Variants in MPP7 observed in about 807,000 individuals in gnomAD.
MPP7 encodes the protein MAGUK p55 subfamily member 7.
A neutral mutation model predicts 76.5 loss-of-function variants in MPP7; 60 were observed. The observed-to-expected ratio is 0.78, with a 90% confidence interval of 0.64 to 0.97. The LOEUF (loss-of-function observed/expected upper bound fraction) is 0.97. Among genes scored for constraint, MPP7 ranks in the 50% least tolerant of loss-of-function variants. The pLI is 0.00. For missense variants in MPP7, 641 were observed against 694.0 expected (o/e 0.92, Z 0.86); for synonymous variants, 237 against 244.5 (o/e 0.97, Z 0.29).
chr10:28,164,117 A>G (rs2763316), intron 3 of MPP7, among the ~76,000 whole-genome samples: 113,530 of 151,872 alleles, frequency 0.75, 42,584 homozygotes, highest in Middle Eastern at 0.84. Flanking sequence ...AAAGATCGAG[A>G]CCGAAGACAA....
At chr10:28,061,736 A>C (rs902442576) in intron 13 of MPP7, among the ~76,000 whole-genome samples, 9 of 152,192 alleles carry the variant, frequency 5.9e-5, no homozygotes, top group Admixed American at 6.5e-5. Context: ...TTATGCCTAG[A>C]CACATTATAA....
chr10:28,150,098 C>T, intron 3 of MPP7, 39 bp from the exon 4 acceptor site: 1 of 1,406,514 alleles, frequency 7.1e-7, no homozygotes, highest in South Asian at 1.2e-5. Context: ...CACCTGCTAG[C>T]AAACAATCTC....
intron 3 of MPP7, among the ~76,000 whole-genome samples, chr10:28,161,211 A>G (rs1415284343): frequency 6.6e-6 from 1 of 152,116 alleles, no homozygotes; most frequent in Admixed American, 6.6e-5. Flanking sequence ...TATGTTCTAA[A>G]ATGCTACTCT....
chr10:28,198,258 A>G (rs1837651974), intron 3 of MPP7, among the ~76,000 whole-genome samples: 1 of 152,150 alleles, frequency 6.6e-6, no homozygotes, highest in Non-Finnish European at 1.5e-5. Flanking sequence ...AGATTTCTGG[A>G]GAAAACAGAA....
At chr10:28,229,750 G>T (rs1027588666) in intron 2 of MPP7, among the ~76,000 whole-genome samples, 6 of 151,988 alleles carry the variant, frequency 3.9e-5, no homozygotes, top group Admixed American at 1.3e-4. Context: ...TTAGCCAGGC[G>T]TGGTGGCAGG....
chr10:28,324,767 T>A (rs1029622817), intron 2 of MPP7, among the ~76,000 whole-genome samples: 3 of 152,190 alleles, frequency 2.0e-5, no homozygotes, highest in African/African-American at 4.8e-5. Context: ...TTCACAAGTA[T>A]CCAGAACTCT....
chr10:28,127,860 GAGA>G (rs1017473451), intron 6 of MPP7, among the ~76,000 whole-genome samples: 8 of 152,330 alleles, frequency 5.3e-5, no homozygotes, highest in African/African-American at 1.9e-4. Flanking sequence ...AGGACTCACT[GAGA>G]AGATGATGTC....
At chr10:28,111,243 A>C (rs1834496810) in intron 11 of MPP7, among the ~76,000 whole-genome samples, 1 of 152,162 alleles carries the variant, frequency 6.6e-6, no homozygotes, top group Admixed American at 6.5e-5. Flanking sequence ...CTGTTTCCTC[A>C]TCTTAGCAAA....
intron 5 of MPP7, among the ~76,000 whole-genome samples, chr10:28,142,180 C>T (rs553611500): frequency 6.6e-6 from 1 of 152,002 alleles, no homozygotes; most frequent in Non-Finnish European, 1.5e-5. Context: ...CCAAATTCTA[C>T]TATATAAAAG....
chr10:28,164,683 C>T (rs1206626937), intron 3 of MPP7, among the ~76,000 whole-genome samples: 2 of 151,524 alleles, frequency 1.3e-5, no homozygotes, highest in African/African-American at 4.9e-5. Flanking sequence ...TTTTTTTCAG[C>T]TCATCAGCTA....
chr10:28,117,175 C>T (rs529052817), intron 11 of MPP7, among the ~76,000 whole-genome samples: 5 of 152,044 alleles, frequency 3.3e-5, no homozygotes, highest in South Asian at 2.1e-4. Context: ...AAGAGTAATA[C>T]GAGCAATCAC....
chr10:28,149,934 C>A lies in MPP7; in HGVS notation c.234+48G>T, dbSNP rs540909950. ...GCACTAGGACAGGTTCTGCCTGGGC[C>A]AGGTCTGCAGCAGACACATCCCAGT... On this transcript the variant is annotated intron_variant, in intron 4 of 16. Transcript: ENST00000683449. The A allele has an allele frequency of 1.1e-5, 16 of 1,474,936 alleles. No individual in the cohort carries two copies. The South Asian group carries it at 1.7e-4, about 16-fold the overall frequency. The allele number at this position is 1,474,936 out of a possible 1,614,324, so 91.4% of individuals were successfully genotyped here. A position where few individuals can be genotyped will look rare whatever the true frequency, so the allele number is the denominator to read the frequency against.
At chr10:28,098,411 A>C (rs1460406275) in intron 11 of MPP7, among the ~76,000 whole-genome samples, 2 of 151,946 alleles carry the variant, frequency 1.3e-5, no homozygotes, top group African/African-American at 4.8e-5. Context: ...ATATAGAAGA[A>C]AATATGTTTT....
chr10:28,275,349 C>G (rs373213735), intron 1 of MPP7, among the ~76,000 whole-genome samples: 1 of 152,040 alleles, frequency 6.6e-6, no homozygotes, highest in South Asian at 2.1e-4. Flanking sequence ...CTGTTGAGTC[C>G]TATCTCTCCC....
chr10:28,191,534 A>G (rs1837411417), intron 3 of MPP7, among the ~76,000 whole-genome samples: 1 of 152,224 alleles, frequency 6.6e-6, no homozygotes, highest in Non-Finnish European at 1.5e-5. Flanking sequence ...GCTGACAAGG[A>G]CATGATGCTC....
chr10:28,218,693 A>G (rs571261656), intron 2 of MPP7, among the ~76,000 whole-genome samples: 1 of 152,324 alleles, frequency 6.6e-6, no homozygotes, highest in South Asian at 2.1e-4. Flanking sequence ...GAAAATCAAG[A>G]TTCAGGAAAG....
chr10:28,193,508 G>T (rs979303369), intron 3 of MPP7, among the ~76,000 whole-genome samples: 1 of 152,166 alleles, frequency 6.6e-6, no homozygotes, highest in African/African-American at 2.4e-5. Context: ...ACCATGACTG[G>T]CCTGACAATG....
chr10:28,270,948 T>C (rs1234331584), intron 1 of MPP7, among the ~76,000 whole-genome samples: 4 of 152,180 alleles, frequency 2.6e-5, no homozygotes, highest in Admixed American at 1.3e-4. Flanking sequence ...TTTAGTACAA[T>C]AGTAAGCTAA....
intron 2 of MPP7, among the ~76,000 whole-genome samples, chr10:28,326,667 A>G (rs926757239): frequency 1.4e-4 from 21 of 152,144 alleles, no homozygotes; most frequent in Admixed American, 7.2e-4. Flanking sequence ...TTGAAAATAC[A>G]TTTTTCAAAT....
Sources: allele counts gnomAD v4.1 joint callset (sites outside exome capture counted in the v4.1 genomes callset), GRCh38; gene constraint gnomAD v4.1.1; transcripts MANE v1.5; gene names NCBI Gene and HGNC (gene_info 2026-07-23, HGNC 2026-07-21).